SCYL1: variants seen among roughly 807,000 people sequenced by gnomAD.
SCYL1 encodes the protein SCY1 like pseudokinase 1, also known as N-terminal kinase-like protein.
In SCYL1, 85 loss-of-function variants were observed where a neutral mutation model predicts 94.8. That is an observed-to-expected ratio of 0.90 (90% confidence interval 0.75 to 1.07). The LOEUF (loss-of-function observed/expected upper bound fraction) is 1.07. SCYL1 is among the 50% of genes least tolerant of loss of function. The pLI, the probability that SCYL1 is intolerant of heterozygous loss-of-function variation, is 0.00. For synonymous variants in SCYL1, 459 were observed against 435.5 expected, an observed-to-expected ratio of 1.05 and a Z score of -0.67; for missense variants, 968 against 1,083.3, an observed-to-expected ratio of 0.89 and a Z score of 1.49.
In SCYL1 at chr11:65,525,872, C is replaced by T. The variant is rs201999423; in HGVS notation, c.253-49C>T. 9.4e-6 allele frequency: 15 copies of T among 1,597,302 alleles called. No individual in the cohort carries two copies. The African/African-American group carries it at 1.9e-4, about 20-fold the overall frequency. ...CCCAACTTCAAGTCGCTTATCTCTC[C>T]TTCCTCTCTGCCCCTCCGCCCTTGA... is the stretch of plus-strand genomic sequence containing the variant. On this transcript the variant is annotated intron_variant, in intron 2 of 17. Coordinates refer to ENST00000270176, the MANE Select transcript of SCYL1 (RefSeq NM_020680.4).
In SCYL1 at chr11:65,525,151, A is replaced by T. The variant is rs753254030; in HGVS notation, c.-3A>T. 2 of 1,334,426 alleles carry T rather than the reference A, an allele frequency of 1.5e-6. No homozygotes were observed. Among genetic ancestry groups the T allele is most frequent in the South Asian group, 1.9e-5 (1 of 51,598 alleles). 82.7% of individuals were successfully genotyped at this position (1,334,426 alleles called of 1,614,324 possible). ...GCCCGAACCCGCGGCGGCGGTGGGGACGATGTGGTTCTTTGCCCGGGACCC... is the reference window on the plus strand; with the variant it reads ...GCCCGAACCCGCGGCGGCGGTGGGGTCGATGTGGTTCTTTGCCCGGGACCC... On this transcript the variant is annotated 5_prime_UTR_variant, in exon 1 of 18. Coordinates refer to ENST00000270176, the MANE Select transcript of SCYL1 (RefSeq NM_020680.4).
At position 65,538,158 on chromosome 11, in the gene SCYL1, C is replaced by A. The variant is rs1565081926; in HGVS notation, c.2223C>A (p.Thr741=). 1.3e-6 allele frequency: 2 copies of A among 1,593,720 alleles called. No individual in the cohort carries two copies. The highest frequency in any genetic ancestry group is 1.1e-5 in the South Asian group (1 of 88,022). The change falls in exon 16 of 18, where the codon ACC becomes ACA. Residue 741 remains threonine (T), a synonymous_variant. Transcript: ENST00000270176. Reference sequence around the variant, plus strand: ...GCGACAAGGGCGACCCCTTCGCTACCCTGTCTGCACGTCCCAGCACCCAGG... The same window carrying A: ...GCGACAAGGGCGACCCCTTCGCTACACTGTCTGCACGTCCCAGCACCCAGG... ...ESSDKGDPFA[T]LSARPSTQPR... is the part of the protein sequence containing the mutation.
At chr11:65,531,476 T>G in intron 7 of SCYL1, 100 bp from the exon 8 acceptor site, 2 of 850,346 alleles carry the variant, frequency 2.4e-6, no homozygotes, top group Non-Finnish European at 3.9e-6. Context: ...CCGCCATCAC[T>G]TCATTCCCAC....
rs1427957262 is a variant in SCYL1, at chr11:65,537,106, A to T, written c.1937A>T (p.Asp646Val). 1 of 1,614,042 alleles carries T rather than the reference A, an allele frequency of 6.2e-7. No homozygotes were observed. The highest frequency in any genetic ancestry group is 8.5e-7 in the Non-Finnish European group (1 of 1,180,006). ...EDSSTADRWD[D>V]EDWGSLEQEA... ...AGCAGCACTGCTGACAGATGGGACG[A>T]CGAAGACTGGGGCAGCCTGGAGGTG... is the stretch of plus-strand genomic sequence containing the variant. Residue 646 changes from aspartate (D) to valine (V), a missense_variant, in exon 14 of 18, where the codon GAC becomes GTC. Physicochemically the swap from Asp to Val is radical, Grantham distance 152 (BLOSUM62 -3). This residue lies in a region of SCYL1 where 474 missense variants were observed against 463.6 expected (regional missense o/e 1.02). Coordinates refer to ENST00000270176, the MANE Select transcript of SCYL1 (RefSeq NM_020680.4).
Position 65,538,324 on chromosome 11 carries a change from CGTAA to C in SCYL1, c.2302+3_2302+6del. The C allele has an allele frequency of 6.5e-7, 1 of 1,548,056 alleles. No individual in the cohort carries two copies. The highest frequency in any genetic ancestry group is 8.7e-7 in the Non-Finnish European group (1 of 1,144,990). On this transcript the variant is annotated splice_donor_variant and splice_donor_region_variant and intron_variant, in intron 17 of 17. Transcript: ENST00000270176. LOFTEE classifies it high-confidence loss of function. ...CTGGGAGGGCCTCGAGACTGACAGT[CGTAA>C]GTGCTTCCCCTGGGTGGGCTGAAGA...
chr11:65,530,133 C>G (rs1270284506), intron 6 of SCYL1, among the ~76,000 whole-genome samples: 1 of 152,100 alleles, frequency 6.6e-6, no homozygotes, highest in Non-Finnish European at 1.5e-5. Flanking sequence ...CCTTGCCTTC[C>G]CACGGCCTAC....
intron 9 of SCYL1, among the ~76,000 whole-genome samples, chr11:65,533,542 G>A (rs927770125): frequency 2.6e-5 from 4 of 152,270 alleles, no homozygotes; most frequent in African/African-American, 9.6e-5. Context: ...ACTTTGGTAG[G>A]CCGAGGTGGG....
intron 8 of SCYL1, 32 bp downstream of exon 8, chr11:65,531,715 C>A (rs762951088): frequency 6.6e-7 from 1 of 1,524,970 alleles, no homozygotes; most frequent in South Asian, 1.1e-5. Flanking sequence ...CTGTGGTGGT[C>A]CACCCAGACC....
intron 7 of SCYL1, among the ~76,000 whole-genome samples, chr11:65,531,353 G>A (rs533601153): frequency 6.6e-6 from 1 of 152,254 alleles, no homozygotes; most frequent in South Asian, 2.1e-4. Flanking sequence ...TGTAGGGAGG[G>A]GCCCAGAGCT....
At chr11:65,530,163 C>T (rs1454804060) in intron 6 of SCYL1, among the ~76,000 whole-genome samples, 1 of 152,272 alleles carries the variant, frequency 6.6e-6, no homozygotes, top group South Asian at 2.1e-4. Flanking sequence ...CCTGCCCAAT[C>T]CAGCCAGGGC....
In SCYL1 at chr11:65,531,751, T is replaced by A; in HGVS notation, c.1116+68T>A. 1.6e-5 allele frequency: 19 copies of A among 1,161,590 alleles called. 1 individual carries two copies. In the South Asian group the frequency reaches 2.2e-4, roughly 14 times the overall value. 72.0% of individuals were successfully genotyped at this position (1,161,590 alleles called of 1,614,324 possible). On this transcript the variant is annotated intron_variant, in intron 8 of 17. Transcript: ENST00000270176. The stretch of plus-strand genomic sequence containing the variant: ...CCAACCTGGTGGCTGGGGAGGCACC[T>A]GCCCTGGCTGCACAGGGACCCCAGA...
chr11:65,531,515 TA>T, intron 7 of SCYL1, 60 bp from the exon 8 acceptor site: 2 of 1,295,368 alleles, frequency 1.5e-6, no homozygotes, highest in Non-Finnish European at 1.1e-6. Flanking sequence ...GGAATTTAGA[TA>T]AGCCCAGCAA....
chr11:65,531,785 C>G, intron 8 of SCYL1, 102 bp downstream of exon 8: 1 of 803,722 alleles, frequency 1.2e-6, no homozygotes, highest in Admixed American at 2.0e-5. Flanking sequence ...GAAACCCCAC[C>G]CCTGAACATA....
chr11:65,536,387 ACC>A (rs1855645753), intron 12 of SCYL1, 53 bp downstream of exon 12: 1 of 1,583,438 alleles, frequency 6.3e-7, no homozygotes, highest in Admixed American at 1.7e-5. Context: ...CTTGACTGTG[ACC>A]TGTTTGTGTC....
intron 6 of SCYL1, 151 bp from the exon 7 acceptor site, chr11:65,530,478 G>T: frequency 1.3e-6 from 1 of 747,850 alleles, no homozygotes; most frequent in East Asian, 2.8e-5. Context: ...TACATGGCAG[G>T]TAAGTGGGAC....
chr11:65,536,972 C>T lies in SCYL1; in HGVS notation c.1817-14C>T, dbSNP rs1461283185. 5 of 1,606,706 alleles carry T rather than the reference C, an allele frequency of 3.1e-6. No homozygotes were observed. Among genetic ancestry groups the T allele is most frequent in the South Asian group, 1.1e-5 (1 of 90,812 alleles). ...AAGACCCCCCTGAAAGCTCAGTGAGCCTCTGCTCCCCAGGAGTTCCTGCCC... is the reference window on the plus strand; with the variant it reads ...AAGACCCCCCTGAAAGCTCAGTGAGTCTCTGCTCCCCAGGAGTTCCTGCCC... On this transcript the variant is annotated splice_polypyrimidine_tract_variant and intron_variant, in intron 13 of 17. Transcript: ENST00000270176.
chr11:65,538,274 G>A lies in SCYL1; in HGVS notation c.2252G>A (p.Arg751Lys). 2 of 1,553,422 alleles carry A rather than the reference G, an allele frequency of 1.3e-6. No homozygotes were observed. The highest frequency in any genetic ancestry group is 1.7e-6 in the Non-Finnish European group (2 of 1,148,104). ...TLSARPSTQP[R>K]PDSWGEDNWE... ...AGCCCACACTTCTCTTTACAGCCGA[G>A]GCCAGACTCTTGGGGTGAGGACAAC... Residue 751 changes from arginine (R) to lysine (K), a missense_variant, in exon 17 of 18, where the codon AGG becomes AAG. Around this residue, in one of 2 missense-constraint regions of SCYL1, gnomAD observed 474 missense variants for 463.6 expected, o/e 1.02. Transcript: ENST00000270176.
chr11:65,529,887 C>CA (rs1855282505), intron 6 of SCYL1, among the ~76,000 whole-genome samples: 2 of 152,224 alleles, frequency 1.3e-5, no homozygotes, highest in Non-Finnish European at 2.9e-5. Context: ...CTCTGTGCCT[C>CA]AGCTTCCTTG....
In SCYL1 at chr11:65,538,645, C is replaced by A. The variant is rs1284587171; in HGVS notation, c.*79C>A. 6.7e-7 allele frequency: 1 copy of A among 1,488,076 alleles called. No homozygotes were observed. The highest frequency in any genetic ancestry group is 9.0e-7 in the Non-Finnish European group (1 of 1,109,638). 92.2% of individuals were successfully genotyped at this position (1,488,076 alleles called of 1,614,324 possible). ...ATTGTACAAACCATGTGAGCCCGGC[C>A]GGCCCAGCCAGGCCATCTCACGTGT... is the stretch of plus-strand genomic sequence containing the variant. On this transcript the variant is annotated 3_prime_UTR_variant, in exon 18 of 18. Coordinates refer to ENST00000270176, the MANE Select transcript of SCYL1 (RefSeq NM_020680.4).
Sources: allele counts gnomAD v4.1 joint callset (sites outside exome capture counted in the v4.1 genomes callset), GRCh38; gene constraint gnomAD v4.1.1; regional missense constraint gnomAD v4.1.1; transcripts MANE v1.5; gene names NCBI Gene and HGNC (gene_info 2026-07-23, HGNC 2026-07-21).